The following NREP variants were observed in gnomAD, a reference collection of about 807,000 sequenced individuals.
NREP encodes the protein neuronal regeneration-related protein.
A neutral mutation model predicts 8.6 loss-of-function variants in NREP; 5 were observed. The observed-to-expected ratio is 0.58, with a 90% CI of 0.30 to 1.22. NREP has a LOEUF of 1.22. Among genes scored for constraint, NREP ranks in the 50% most tolerant of loss-of-function variants. The probability of loss-of-function intolerance (pLI) is 0.07; values close to 1 mark genes in which losing one functional copy is unlikely to be tolerated. For synonymous variants in NREP, 27 were observed against 28.0 expected (o/e 0.96, Z 0.11); for missense variants, 86 against 82.5 (o/e 1.04, Z -0.17).
At chr5:111,920,436 T>G (rs1292175952) in intron 2 of NREP, among the ~76,000 whole-genome samples, 1 of 152,150 alleles carries the variant, frequency 6.6e-6, no homozygotes, top group Admixed American at 6.6e-5. Flanking sequence ...CATTAGCTAT[T>G]TGTCTTAATG....
At chr5:111,881,230 C>G (rs1754057389) in intron 2 of NREP, among the ~76,000 whole-genome samples, 1 of 152,206 alleles carries the variant, frequency 6.6e-6, no homozygotes, top group African/African-American at 2.4e-5. Flanking sequence ...ATTGCTAGCA[C>G]AGCAGTCTGA....
At chr5:111,975,899 T>C (rs1318586204) in intron 1 of NREP, among the ~76,000 whole-genome samples, 2 of 152,212 alleles carry the variant, frequency 1.3e-5, no homozygotes, top group African/African-American at 4.8e-5. Context: ...TGATGCTTTG[T>C]ATTCTTTGTC....
intron 2 of NREP, among the ~76,000 whole-genome samples, chr5:111,846,776 T>C (rs555064457): frequency 9.8e-5 from 15 of 152,324 alleles, no homozygotes; most frequent in Non-Finnish European, 7.3e-5. Flanking sequence ...TATATTTTTC[T>C]TGGATTTGCT....
chr5:111,780,588 G>A (rs980668209), intron 2 of NREP, among the ~76,000 whole-genome samples: 2 of 152,174 alleles, frequency 1.3e-5, no homozygotes, highest in Non-Finnish European at 2.9e-5. Flanking sequence ...GGTGGGGAGT[G>A]TATTTCATTG....
intron 2 of NREP, among the ~76,000 whole-genome samples, chr5:111,753,269 C>A (rs1750480038): frequency 6.7e-6 from 1 of 150,192 alleles, no homozygotes; most frequent in African/African-American, 2.4e-5. Context: ...CAGTGGCGTT[C>A]AAGGAGGCCC....
At chr5:111,898,058 A>G (rs1172593802) in intron 2 of NREP, among the ~76,000 whole-genome samples, 1 of 152,178 alleles carries the variant, frequency 6.6e-6, no homozygotes, top group African/African-American at 2.4e-5. Flanking sequence ...GAGAGAGGTA[A>G]CATGTACCTG....
At chr5:111,887,861 A>G (rs191674769) in intron 2 of NREP, among the ~76,000 whole-genome samples, 9 of 152,324 alleles carry the variant, frequency 5.9e-5, no homozygotes, top group Non-Finnish European at 1.3e-4. Context: ...AAGACTTCCC[A>G]CAGCCACCTA....
intron 2 of NREP, among the ~76,000 whole-genome samples, chr5:111,747,646 C>A (rs892571858): frequency 6.6e-6 from 1 of 152,116 alleles, no homozygotes; most frequent in African/African-American, 2.4e-5. Context: ...CTTGGCTACT[C>A]CCCCTTCCTT....
Position 111,809,870 on chromosome 5 carries a change from C to CGCGTGT in NREP, c.136-74364_136-74363insACACGC, listed in dbSNP as rs1225782852. 3.8e-3 allele frequency among the ~76,000 whole-genome samples: 552 copies of CGCGTGT among 144,204 alleles called. 12 individuals carry two copies. The highest frequency in any genetic ancestry group is 0.014 in the African/African-American group (534 of 38,566). 94.6% of individuals were successfully genotyped at this position (144,204 alleles called of 152,430 possible). A position where few individuals can be genotyped will look rare whatever the true frequency, so the allele number is the denominator to read the frequency against. On this transcript the variant is annotated intron_variant, in intron 2 of 3. Transcript: ENST00000395634. Reference sequence around the variant, plus strand: ...ACCACCTCATTGACTGGGACTTTGGCGTGTGTGTGTGTGTGTGTGTGTGTG... The same window carrying CGCGTGT: ...ACCACCTCATTGACTGGGACTTTGGCGCGTGTGTGTGTGTGTGTGTGTGTGTGTGTG...
chr5:111,966,352 C>T (rs1342920914), intron 2 of NREP, among the ~76,000 whole-genome samples: 1 of 152,190 alleles, frequency 6.6e-6, no homozygotes, highest in African/African-American at 2.4e-5. Flanking sequence ...TCCAACTCAA[C>T]ACTTCATTAT....
intron 2 of NREP, among the ~76,000 whole-genome samples, chr5:111,866,618 C>T (rs550223666): frequency 6.6e-6 from 1 of 151,880 alleles, no homozygotes; most frequent in Non-Finnish European, 1.5e-5. Context: ...CTAGAAATAC[C>T]GTTTGACCCA....
intron 2 of NREP, among the ~76,000 whole-genome samples, chr5:111,750,966 A>C (rs1750323619): frequency 6.6e-6 from 1 of 152,214 alleles, no homozygotes; most frequent in Non-Finnish European, 1.5e-5. Flanking sequence ...TTTTCTGTGT[A>C]AACTAAAATT....
At chr5:111,755,955 T>C (rs1750678294) in intron 1 of NREP, 125 bp from the exon 2 acceptor site, 2 of 1,466,308 alleles carry the variant, frequency 1.4e-6, no homozygotes, top group South Asian at 1.4e-5. Context: ...ACATGCAAAT[T>C]ATTGTTAACT....
At chr5:111,957,114 A>G (rs887105664) in intron 2 of NREP, among the ~76,000 whole-genome samples, 4 of 151,922 alleles carry the variant, frequency 2.6e-5, no homozygotes, top group African/African-American at 4.8e-5. Context: ...ATAAATAACA[A>G]TTGCGAGGGA....
chr5:111,770,785 G>C (rs192636390), intron 2 of NREP, among the ~76,000 whole-genome samples: 206 of 151,972 alleles, frequency 1.4e-3, no homozygotes, highest in African/African-American at 4.8e-3. Flanking sequence ...GCCCAGGCTG[G>C]TCTCTAATTT....
At chr5:111,789,559 G>A (rs984112711) in intron 2 of NREP, among the ~76,000 whole-genome samples, 6 of 152,128 alleles carry the variant, frequency 3.9e-5, no homozygotes, top group African/African-American at 1.4e-4. Context: ...GCTCTAGGCA[G>A]GGATATGCCA....
intron 2 of NREP, among the ~76,000 whole-genome samples, chr5:111,975,056 G>A (rs1488938269): frequency 2.0e-5 from 3 of 152,236 alleles, no homozygotes; most frequent in Admixed American, 6.5e-5. Flanking sequence ...CTTCCACAGG[G>A]AATGAAGTGA....
intron 2 of NREP, among the ~76,000 whole-genome samples, chr5:111,791,405 C>T (rs1211008768): frequency 3.9e-5 from 6 of 152,158 alleles, no homozygotes; most frequent in East Asian, 1.9e-4. Context: ...ATCAACTCTC[C>T]GCTTCTGTAA....
chr5:111,942,166 T>C (rs1755847639), intron 2 of NREP, among the ~76,000 whole-genome samples: 2 of 152,106 alleles, frequency 1.3e-5, no homozygotes, highest in Non-Finnish European at 2.9e-5. Flanking sequence ...GCAAACATTG[T>C]TAGCCAGGAT....
Sources: allele counts gnomAD v4.1 joint callset (sites outside exome capture counted in the v4.1 genomes callset), GRCh38; gene constraint gnomAD v4.1.1; transcripts MANE v1.5; gene names NCBI Gene and HGNC (gene_info 2026-07-23, HGNC 2026-07-21).